Variants in RAB28 observed in about 807,000 individuals in gnomAD.
RAB28 encodes the protein RAB28, member RAS oncogene family, also known as ras-related protein Rab-28.
Under a neutral mutation model 31.7 loss-of-function variants are expected in RAB28, and 24 were observed. The observed-to-expected ratio is 0.76, with a 90% CI of 0.55 to 1.06. The LOEUF (loss-of-function observed/expected upper bound fraction) is 1.06, where lower values mean the gene tolerates loss of function less well. Ranked by LOEUF, RAB28 falls within the 50% of genes least tolerant of loss-of-function variation. The pLI is 0.00. For synonymous variants in RAB28, 100 were observed against 90.4 expected, an observed-to-expected ratio of 1.11 and a Z score of -0.60; for missense variants, 254 against 258.5, an observed-to-expected ratio of 0.98 and a Z score of 0.12.
chr4:13,439,659 T>C lies in RAB28; in HGVS notation c.391+21040A>G, dbSNP rs139956470. Among the ~76,000 whole-genome samples the C allele has an allele frequency of 4.6e-3, 698 of 152,336 alleles. 6 individuals are homozygous for C. The highest frequency in any genetic ancestry group is 0.016 in the African/African-American group (664 of 41,580). Reference sequence around the variant, plus strand: ...CTTGGCCCAAGGTCATGTTAACTTATACCTATGTTTTCGTCTAAGATTTTT... The same window carrying C: ...CTTGGCCCAAGGTCATGTTAACTTACACCTATGTTTTCGTCTAAGATTTTT... On this transcript the variant is annotated intron_variant, in intron 4 of 6. Transcript: ENST00000330852.
chr4:13,479,406 C>G, intron 2 of RAB28, 24 bp downstream of exon 2: 2 of 1,509,464 alleles, frequency 1.3e-6, no homozygotes, highest in Non-Finnish European at 1.8e-6. Context: ...TAATCTTCTA[C>G]GTTAAGACTT....
intron 4 of RAB28, among the ~76,000 whole-genome samples, chr4:13,457,908 C>T (rs946042376): frequency 2.0e-5 from 3 of 152,100 alleles, no homozygotes; most frequent in Admixed American, 6.6e-5. Flanking sequence ...CAAATCATAA[C>T]GCCTCTCCCA....
intron 4 of RAB28, among the ~76,000 whole-genome samples, chr4:13,388,918 G>A (rs958699364): frequency 6.6e-6 from 1 of 152,026 alleles, no homozygotes; most frequent in Non-Finnish European, 1.5e-5. Flanking sequence ...AACATAGAAC[G>A]ACTGTATGAT....
chr4:13,422,760 G>A (rs914169898), intron 4 of RAB28, among the ~76,000 whole-genome samples: 6 of 151,816 alleles, frequency 4.0e-5, no homozygotes, highest in Non-Finnish European at 5.9e-5. Flanking sequence ...TGGGATGGGG[G>A]ACGGGGGAGG....
chr4:13,453,290 A>C (rs1715076286), intron 4 of RAB28, among the ~76,000 whole-genome samples: 2 of 152,172 alleles, frequency 1.3e-5, no homozygotes, highest in Admixed American at 6.5e-5. Flanking sequence ...TGACAGGTGA[A>C]GACTTATACC....
At chr4:13,466,791 CA>C (rs1715866653) in intron 3 of RAB28, among the ~76,000 whole-genome samples, 1 of 151,920 alleles carries the variant, frequency 6.6e-6, no homozygotes, top group African/African-American at 2.4e-5. Flanking sequence ...AAGTGTCCAT[CA>C]ACAGATGAAT....
chr4:13,395,210 G>C (rs1423585206), intron 4 of RAB28, among the ~76,000 whole-genome samples: 1 of 151,928 alleles, frequency 6.6e-6, no homozygotes, highest in Non-Finnish European at 1.5e-5. Context: ...CTATGATATA[G>C]CTGGTTTTAT....
At chr4:13,388,461 T>A (rs984955807) in intron 4 of RAB28, among the ~76,000 whole-genome samples, 2 of 152,046 alleles carry the variant, frequency 1.3e-5, no homozygotes, top group African/African-American at 4.8e-5. Context: ...TTGGACTTGG[T>A]GGTGATTTCT....
At chr4:13,423,863 G>C (rs1259895066) in intron 4 of RAB28, among the ~76,000 whole-genome samples, 1 of 152,142 alleles carries the variant, frequency 6.6e-6, no homozygotes, top group Non-Finnish European at 1.5e-5. Context: ...GTAGATCACT[G>C]GGGAGGGAAG....
At chr4:13,393,025 T>C (rs1560274401) in intron 4 of RAB28, among the ~76,000 whole-genome samples, 2 of 152,204 alleles carry the variant, frequency 1.3e-5, no homozygotes, top group South Asian at 2.1e-4. Context: ...GCTAGTGTCA[T>C]TGTGGTTTGT....
chr4:13,425,720 G>C (rs1713443234), intron 4 of RAB28, among the ~76,000 whole-genome samples: 1 of 152,126 alleles, frequency 6.6e-6, no homozygotes, highest in African/African-American at 2.4e-5. Context: ...TGGCAGTCTT[G>C]TTCTGTTTTG....
chr4:13,382,910 G>C (rs1466963134), intron 4 of RAB28, among the ~76,000 whole-genome samples: 1 of 152,022 alleles, frequency 6.6e-6, no homozygotes, highest in African/African-American at 2.4e-5. Context: ...ACGTTGGCCA[G>C]GTTGGTCTTG....
At chr4:13,448,316 C>T (rs1023259493) in intron 4 of RAB28, among the ~76,000 whole-genome samples, 1 of 151,834 alleles carries the variant, frequency 6.6e-6, no homozygotes, top group Non-Finnish European at 1.5e-5. Flanking sequence ...AAGATTCATC[C>T]TAAAAGAAAA....
chr4:13,481,489 A>G (rs1716602800), intron 1 of RAB28, among the ~76,000 whole-genome samples: 2 of 152,024 alleles, frequency 1.3e-5, no homozygotes, highest in African/African-American at 2.4e-5. Context: ...ACTAGCTCCC[A>G]TATCAGAAAT....
intron 4 of RAB28, among the ~76,000 whole-genome samples, chr4:13,383,699 T>C (rs936600097): frequency 6.6e-6 from 1 of 152,142 alleles, no homozygotes; most frequent in Admixed American, 6.5e-5. Context: ...GCTTTTCCTG[T>C]GCTGTTCTCA....
At chr4:13,458,740 A>G (rs1417985425) in intron 4 of RAB28, among the ~76,000 whole-genome samples, 1 of 152,180 alleles carries the variant, frequency 6.6e-6, no homozygotes, top group Non-Finnish European at 1.5e-5. Flanking sequence ...ACAGATAAAT[A>G]CTCACCATTG....
chr4:13,398,656 T>C (rs1291239520), intron 4 of RAB28, among the ~76,000 whole-genome samples: 2 of 151,864 alleles, frequency 1.3e-5, no homozygotes, highest in African/African-American at 2.4e-5. Context: ...CGGGCGCCTG[T>C]AGTCCCAGCT....
chr4:13,395,136 AT>A (rs1729816243), intron 4 of RAB28, among the ~76,000 whole-genome samples: 1 of 152,340 alleles, frequency 6.6e-6, no homozygotes, highest in East Asian at 1.9e-4. Context: ...TCTAAGTTTT[AT>A]TTAGATTTTT....
At chr4:13,429,533 T>C (rs1713690788) in intron 4 of RAB28, among the ~76,000 whole-genome samples, 1 of 152,114 alleles carries the variant, frequency 6.6e-6, no homozygotes, top group Admixed American at 6.6e-5. Flanking sequence ...CATTAACAAC[T>C]TTACAACAGA....
Sources: gnomAD v4.1 joint callset for allele counts (sites outside exome capture counted in the v4.1 genomes callset) on GRCh38, gnomAD v4.1.1 for gene constraint, MANE v1.5 for transcripts, NCBI Gene and HGNC (gene_info 2026-07-23, HGNC 2026-07-21) for gene names.